Variants in SLC24A2 observed in about 807,000 individuals in gnomAD.
SLC24A2 encodes solute carrier family 24 member 2.
Under a neutral mutation model 62.0 loss-of-function variants are expected in SLC24A2, and 36 were observed. The observed-to-expected ratio is 0.58, with a 90% CI of 0.44 to 0.77. SLC24A2 has a LOEUF of 0.77. Among genes scored for constraint, SLC24A2 ranks in the 30% least tolerant of loss-of-function variants. SLC24A2 has a pLI of 0.00. For synonymous variants in SLC24A2, 358 were observed against 294.0 expected, an observed-to-expected ratio of 1.22 and a Z score of -2.23; for missense variants, 846 against 817.9, an observed-to-expected ratio of 1.03 and a Z score of -0.42.
the SLC24A2 span, among the ~76,000 whole-genome samples, chr9:20,244,368 A>C: frequency 6.6e-6 from 1 of 152,184 alleles, no homozygotes; most frequent in Non-Finnish European, 1.5e-5. Flanking sequence ...GAACATTATC[A>C]GAAAGACAGC....
intron 2 of SLC24A2, among the ~76,000 whole-genome samples, chr9:19,722,234 A>C (rs1399369109): frequency 1.3e-5 from 2 of 152,160 alleles, no homozygotes; most frequent in African/African-American, 4.8e-5. Context: ...ATGCTGAAAC[A>C]GAGGAAATCA....
chr9:19,573,123 AG>A (rs1835886767), intron 7 of SLC24A2, among the ~76,000 whole-genome samples: 1 of 152,172 alleles, frequency 6.6e-6, no homozygotes, highest in Admixed American at 6.5e-5. Flanking sequence ...CCTCACCTGG[AG>A]AAACAGTGGC....
At chr9:20,041,099 G>A in the SLC24A2 span, among the ~76,000 whole-genome samples, 4 of 152,256 alleles carry the variant, frequency 2.6e-5, no homozygotes, top group African/African-American at 7.2e-5. Context: ...GTTAACCTGT[G>A]TGCTTGCATA....
the SLC24A2 span, among the ~76,000 whole-genome samples, chr9:20,124,955 A>G: frequency 5.3e-5 from 8 of 152,212 alleles, no homozygotes; most frequent in Admixed American, 2.6e-4. Context: ...TTGTTATGGT[A>G]GAAAGAGCAT....
At chr9:19,788,440 G>T in intron 1 of SLC24A2, 2 of 905,680 alleles carry the variant, frequency 2.2e-6, no homozygotes, top group Non-Finnish European at 2.6e-6. Context: ...GAGAATGTTC[G>T]CCCCCAGCCG....
At chr9:19,965,593 A>G in the SLC24A2 span, among the ~76,000 whole-genome samples, 1 of 152,176 alleles carries the variant, frequency 6.6e-6, no homozygotes, top group Non-Finnish European at 1.5e-5. Context: ...CGGTGACTCA[A>G]TTCAGTGAAA....
chr9:19,511,829 T>C lies in SLC24A2; in HGVS notation c.*4324A>G, dbSNP rs573749214. On this transcript the variant is annotated 3_prime_UTR_variant, in exon 11 of 11. Coordinates refer to ENST00000341998, the MANE Select transcript of SLC24A2 (RefSeq NM_020344.4). ...ACCTACTTACCAGAAAAACAATCTG[T>C]CCAGGTGCAAGGAGGCATAGCATCC... 6.6e-6 allele frequency: 1 copy of C among 152,290 alleles called. No individual in the cohort carries two copies. The highest frequency in any genetic ancestry group is 2.1e-4 in the South Asian group (1 of 4,822). The allele number at this position is 152,290 out of a possible 1,614,324, so 9.4% of individuals were successfully genotyped here. A position where few individuals can be genotyped will look rare whatever the true frequency, so the allele number is the denominator to read the frequency against.
chr9:20,115,935 G>T, the SLC24A2 span, among the ~76,000 whole-genome samples: 1 of 152,126 alleles, frequency 6.6e-6, no homozygotes, highest in Non-Finnish European at 1.5e-5. Flanking sequence ...CAAGGCAAGA[G>T]ATTTTTTTAT....
the SLC24A2 span, among the ~76,000 whole-genome samples, chr9:19,959,053 T>C: frequency 6.6e-6 from 1 of 151,256 alleles, no homozygotes; most frequent in Non-Finnish European, 1.5e-5. Context: ...TGGCCTTTTT[T>C]CCCTAAGATC....
At chr9:19,568,898 G>GTTAT (rs551924147) in intron 7 of SLC24A2, among the ~76,000 whole-genome samples, 65 of 152,254 alleles carry the variant, frequency 4.3e-4, no homozygotes, top group Middle Eastern at 3.4e-3. Context: ...AACATGACTA[G>GTTAT]TTATTTGACA....
At chr9:19,976,699 C>A in the SLC24A2 span, among the ~76,000 whole-genome samples, 3 of 152,268 alleles carry the variant, frequency 2.0e-5, no homozygotes, top group Admixed American at 6.5e-5. Flanking sequence ...TGCAAATAGT[C>A]CACCATTTGG....
the SLC24A2 span, among the ~76,000 whole-genome samples, chr9:20,008,346 G>C: frequency 1.5e-4 from 23 of 152,050 alleles, no homozygotes; most frequent in Admixed American, 1.5e-3. Context: ...GGTGTCTTTG[G>C]ACTCACTCTG....
chr9:20,019,654 G>C, the SLC24A2 span, among the ~76,000 whole-genome samples: 1 of 152,146 alleles, frequency 6.6e-6, no homozygotes, highest in Non-Finnish European at 1.5e-5. Flanking sequence ...TCAGGACATA[G>C]GCATGGGCAA....
chr9:19,993,780 C>T, the SLC24A2 span, among the ~76,000 whole-genome samples: 1 of 152,042 alleles, frequency 6.6e-6, no homozygotes, highest in Non-Finnish European at 1.5e-5. Flanking sequence ...AATGTTAGTC[C>T]CTCGAGAATA....
chr9:20,280,594 A>G, the SLC24A2 span, among the ~76,000 whole-genome samples: 1 of 152,086 alleles, frequency 6.6e-6, no homozygotes, highest in Non-Finnish European at 1.5e-5. Context: ...TTTTGGGTTT[A>G]TGGTTTCGTT....
At chr9:20,052,474 C>A in the SLC24A2 span, among the ~76,000 whole-genome samples, 1 of 152,194 alleles carries the variant, frequency 6.6e-6, no homozygotes, top group East Asian at 1.9e-4. Context: ...AAACTGTATT[C>A]TTTGAAGGTT....
chr9:19,647,740 G>C (rs949054900), intron 2 of SLC24A2, among the ~76,000 whole-genome samples: 8 of 152,164 alleles, frequency 5.3e-5, no homozygotes, highest in Non-Finnish European at 8.8e-5. Context: ...AATTGTTAAT[G>C]CCAATCCCTT....
the SLC24A2 span, among the ~76,000 whole-genome samples, chr9:20,032,451 T>A: frequency 6.6e-6 from 1 of 152,202 alleles, no homozygotes; most frequent in African/African-American, 2.4e-5. Context: ...AATAATTACA[T>A]CTTTTGTGTT....
the SLC24A2 span, among the ~76,000 whole-genome samples, chr9:20,273,858 G>A: frequency 6.6e-6 from 1 of 152,190 alleles, no homozygotes; most frequent in Non-Finnish European, 1.5e-5. Flanking sequence ...AAAAAGGACA[G>A]TTTTACCCAT....
Sources: gnomAD v4.1 joint callset for allele counts (sites outside exome capture counted in the v4.1 genomes callset) on GRCh38, gnomAD v4.1.1 for gene constraint, MANE v1.5 for transcripts, NCBI Gene and HGNC (gene_info 2026-07-23, HGNC 2026-07-21) for gene names.